Variants in MYO16 observed in about 807,000 individuals in gnomAD.
The protein encoded by MYO16 is myosin XVI, also known as unconventional myosin-XVI.
In MYO16, 94 loss-of-function variants were observed where a neutral mutation model predicts 205.3. The ratio of observed to expected loss-of-function variants is 0.46; its 90% CI spans 0.39 to 0.54. The LOEUF (loss-of-function observed/expected upper bound fraction) is 0.54, where lower values mean the gene tolerates loss of function less well. MYO16 is among the 20% of genes least tolerant of loss of function. MYO16 has a pLI of 0.00. For synonymous variants in MYO16, 988 were observed against 954.0 expected, an observed-to-expected ratio of 1.04 and a Z score of -0.66; for missense variants, 2,315 against 2,387.5, an observed-to-expected ratio of 0.97 and a Z score of 0.63.
intron 20 of MYO16, among the ~76,000 whole-genome samples, chr13:108,973,981 T>C (rs1884156399): frequency 6.6e-6 from 1 of 152,008 alleles, no homozygotes; most frequent in Non-Finnish European, 1.5e-5. Flanking sequence ...GGATAATCCA[T>C]GTTTGGTCTG....
chr13:108,716,388 T>A (rs1883946078), intron 3 of MYO16, among the ~76,000 whole-genome samples: 4 of 152,192 alleles, frequency 2.6e-5, no homozygotes, highest in Admixed American at 2.6e-4. Context: ...TATTGTATTT[T>A]TATGTTGTTA....
chr13:109,015,909 C>G (rs897109829), intron 22 of MYO16, among the ~76,000 whole-genome samples: 2 of 152,062 alleles, frequency 1.3e-5, no homozygotes, highest in African/African-American at 4.8e-5. Flanking sequence ...TTTCAGAAAA[C>G]CAGCTCCTGG....
intron 27 of MYO16, among the ~76,000 whole-genome samples, chr13:109,086,042 A>G (rs1224135394): frequency 1.3e-5 from 2 of 152,240 alleles, no homozygotes; most frequent in African/African-American, 4.8e-5. Flanking sequence ...AGTTCAAATG[A>G]AAAATAGATT....
chr13:108,823,013 T>A lies in MYO16; in HGVS notation c.944-112T>A, dbSNP rs920703470. 4 of 1,029,610 alleles carry A rather than the reference T, an allele frequency of 3.9e-6. No homozygotes were observed. The African/African-American group carries it at 6.4e-5, about 17-fold the overall frequency. The allele number at this position is 1,029,610 out of a possible 1,614,324, so 63.8% of individuals were successfully genotyped here. ...TTTTAAGGTTTTTTGTTTTGATTCA[T>A]ACATTGATAAATTTTTAGCATTTTA... is the stretch of plus-strand genomic sequence containing the variant. On this transcript the variant is annotated intron_variant, in intron 8 of 34. Transcript: ENST00000457511.
At chr13:108,573,794 A>G in the MYO16 span, among the ~76,000 whole-genome samples, 1 of 152,192 alleles carries the variant, frequency 6.6e-6, no homozygotes. Flanking sequence ...ACAGTCATTT[A>G]CAGTCTTAGA....
At chr13:108,952,792 G>C (rs1024580942) in intron 16 of MYO16, among the ~76,000 whole-genome samples, 1 of 152,170 alleles carries the variant, frequency 6.6e-6, no homozygotes, top group Non-Finnish European at 1.5e-5. Flanking sequence ...AAGTTCCAAA[G>C]AGGATAAGAA....
intron 32 of MYO16, among the ~76,000 whole-genome samples, chr13:109,148,501 G>A (rs984394815): frequency 6.6e-6 from 1 of 152,206 alleles, no homozygotes; most frequent in African/African-American, 2.4e-5. Context: ...CATTGCCTCT[G>A]CCCTCTCACA....
intron 27 of MYO16, among the ~76,000 whole-genome samples, chr13:109,099,440 A>G (rs1888885439): frequency 6.6e-6 from 1 of 152,182 alleles, no homozygotes; most frequent in African/African-American, 2.4e-5. Flanking sequence ...GAAAACCACA[A>G]TTACATTTAC....
chr13:108,812,537 T>C (rs559916759), intron 7 of MYO16, among the ~76,000 whole-genome samples: 1 of 152,138 alleles, frequency 6.6e-6, no homozygotes, highest in Non-Finnish European at 1.5e-5. Flanking sequence ...CCCAGGCACA[T>C]GCAAGGGCTT....
intron 9 of MYO16, among the ~76,000 whole-genome samples, chr13:108,823,934 T>G (rs929405064): frequency 6.6e-6 from 1 of 152,130 alleles, no homozygotes; most frequent in African/African-American, 2.4e-5. Context: ...TGCTTACATA[T>G]TCATTCATTT....
intron 2 of MYO16, among the ~76,000 whole-genome samples, chr13:108,687,546 C>T (rs1882726470): frequency 5.3e-5 from 8 of 152,162 alleles, no homozygotes; most frequent in Admixed American, 3.3e-4. Context: ...TCATTTTAAA[C>T]CACTCATTTC....
intron 2 of MYO16, among the ~76,000 whole-genome samples, chr13:108,687,612 T>G (rs867836627): frequency 1.3e-5 from 2 of 152,208 alleles, no homozygotes; most frequent in African/African-American, 4.8e-5. Flanking sequence ...ACACATTGAA[T>G]GTAGAAGGAG....
At chr13:108,683,888 T>G (rs1882565368) in intron 2 of MYO16, among the ~76,000 whole-genome samples, 1 of 152,122 alleles carries the variant, frequency 6.6e-6, no homozygotes, top group Non-Finnish European at 1.5e-5. Context: ...TGCCTTCTTT[T>G]CGTTTTTAGA....
chr13:108,724,285 T>G (rs931853623), intron 3 of MYO16, among the ~76,000 whole-genome samples: 2 of 152,204 alleles, frequency 1.3e-5, no homozygotes, highest in Non-Finnish European at 1.5e-5. Context: ...CAATCTAGAT[T>G]AATTTGGCTT....
chr13:108,957,826 G>A (rs1424896466), intron 17 of MYO16, 27 bp downstream of exon 17: 2 of 1,519,896 alleles, frequency 1.3e-6, no homozygotes, highest in Non-Finnish European at 1.8e-6. Context: ...ATATTTCACT[G>A]AGAAAATCAA....
upstream of MYO16, among the ~76,000 whole-genome samples, chr13:108,594,953 T>C (rs1005831338): frequency 6.6e-6 from 1 of 152,208 alleles, no homozygotes; most frequent in Non-Finnish European, 1.5e-5. Flanking sequence ...TGCCTCTTTA[T>C]CATCAGTTAT....
upstream of MYO16, among the ~76,000 whole-genome samples, chr13:108,592,060 G>A (rs1663151362): frequency 2.7e-5 from 4 of 146,672 alleles, no homozygotes; most frequent in Non-Finnish European, 6.0e-5. Flanking sequence ...TATATTGTGT[G>A]TGGGATGTGT....
intron 21 of MYO16, among the ~76,000 whole-genome samples, chr13:108,996,052 TAC>T (rs1266211109): frequency 1.3e-5 from 2 of 152,180 alleles, no homozygotes; most frequent in Non-Finnish European, 2.9e-5. Context: ...GAACTAGAAA[TAC>T]AGTTTGACCC....
chr13:108,866,020 T>C (rs1485802343), intron 11 of MYO16, among the ~76,000 whole-genome samples, 157 bp from the exon 12 acceptor site: 1 of 152,100 alleles, frequency 6.6e-6, no homozygotes, highest in Admixed American at 6.5e-5. Context: ...TTCCAAACTT[T>C]AAAAAAATTG....
Sources: allele counts gnomAD v4.1 joint callset (sites outside exome capture counted in the v4.1 genomes callset), GRCh38; gene constraint gnomAD v4.1.1; transcripts MANE v1.5; gene names NCBI Gene and HGNC (gene_info 2026-07-23, HGNC 2026-07-21).